The following PKIB variants were observed in gnomAD, a reference collection of about 807,000 sequenced individuals.
PKIB encodes PKI-beta.
In PKIB, 2 loss-of-function variants were observed where a neutral mutation model predicts 4.5. That is an observed-to-expected ratio of 0.44 (90% CI 0.18 to 1.39). PKIB has a LOEUF of 1.39. Ranked by LOEUF, PKIB falls within the 40% of genes most tolerant of loss-of-function variation. The pLI is 0.27. For missense variants in PKIB, 94 were observed against 92.6 expected (o/e 1.02, Z -0.06); for synonymous variants, 38 against 36.0 (o/e 1.06, Z -0.20).
rs929013388 is a variant in PKIB at position 122,639,749 on chromosome 6, G to A, written c.-76+6382G>A. Reference sequence around the variant, plus strand: ...CTAGATTTGAATGGATGGAATTAGAGGAGAAAACATTTTTGCTTAATCAAG... The same window carrying A: ...CTAGATTTGAATGGATGGAATTAGAAGAGAAAACATTTTTGCTTAATCAAG... On this transcript the variant is annotated intron_variant, in intron 2 of 4. Coordinates refer to ENST00000368452, the MANE Select transcript of PKIB (RefSeq NM_181795.3). 2.6e-5 allele frequency among the ~76,000 whole-genome samples: 4 copies of A among 152,142 alleles called. No homozygotes were observed. The South Asian group carries it at 6.2e-4, about 24-fold the overall frequency.
rs772255160 is a variant in PKIB at position 122,725,343 on chromosome 6, T to C, written c.*148T>C. ...ATATTAGATAATTGTGTTGTGATGC[T>C]ACTCACTTTGATTGCAATGATGATG... is the stretch of plus-strand genomic sequence containing the variant. On this transcript the variant is annotated 3_prime_UTR_variant, in exon 5 of 5. Transcript: ENST00000368452. 1 of 639,322 alleles carries C rather than the reference T, an allele frequency of 1.6e-6. No individual in the cohort carries two copies. Among genetic ancestry groups the C allele is most frequent in the Non-Finnish European group, 2.7e-6 (1 of 368,082 alleles). 39.6% of individuals were successfully genotyped at this position (639,322 alleles called of 1,614,324 possible). A position where few individuals can be genotyped will look rare whatever the true frequency, so the allele number is the denominator to read the frequency against.
chr6:122,664,098 C>T (rs1282866773), intron 2 of PKIB, among the ~76,000 whole-genome samples: 4 of 152,300 alleles, frequency 2.6e-5, no homozygotes, highest in South Asian at 4.1e-4. Context: ...GATATGACAA[C>T]AGTAATACTG....
At chr6:122,719,198 T>C (rs1779622676) in intron 4 of PKIB, among the ~76,000 whole-genome samples, 1 of 152,126 alleles carries the variant, frequency 6.6e-6, no homozygotes, top group Non-Finnish European at 1.5e-5. Flanking sequence ...AAAACCTTAA[T>C]GTTTACTGAC....
chr6:122,474,591 G>T (rs1319222096), intron 1 of PKIB, among the ~76,000 whole-genome samples: 1 of 152,194 alleles, frequency 6.6e-6, no homozygotes, highest in Non-Finnish European at 1.5e-5. Context: ...ATCAGAGCAT[G>T]AATGCTCTGT....
chr6:122,690,932 ATTTT>A (rs1210629019), intron 3 of PKIB, among the ~76,000 whole-genome samples: 1 of 138,782 alleles, frequency 7.2e-6, no homozygotes, highest in African/African-American at 2.7e-5. Flanking sequence ...ATATATATAT[ATTTT>A]TTTTTTTTTT....
At chr6:122,554,974 G>A (rs559134730) in intron 2 of PKIB, among the ~76,000 whole-genome samples, 18 of 152,314 alleles carry the variant, frequency 1.2e-4, no homozygotes, top group Admixed American at 1.1e-3. Context: ...ATACCGTGAA[G>A]GAGATGGGCA....
intron 2 of PKIB, among the ~76,000 whole-genome samples, chr6:122,654,671 A>G (rs1318879152): frequency 6.6e-6 from 1 of 152,216 alleles, no homozygotes; most frequent in Non-Finnish European, 1.5e-5. Context: ...CTCAACTTTC[A>G]AAAACAGAGG....
At chr6:122,679,162 G>T (rs1177696655) in intron 3 of PKIB, among the ~76,000 whole-genome samples, 1 of 152,224 alleles carries the variant, frequency 6.6e-6, no homozygotes, top group African/African-American at 2.4e-5. Flanking sequence ...CAAGTGAAGA[G>T]AAGCCTTGGA....
chr6:122,613,775 C>G (rs1232774890), intron 1 of PKIB, among the ~76,000 whole-genome samples: 3 of 151,746 alleles, frequency 2.0e-5, no homozygotes. Flanking sequence ...ACCATCCTAG[C>G]CAACATGGTG....
intron 2 of PKIB, among the ~76,000 whole-genome samples, chr6:122,532,685 G>A (rs9490472): frequency 0.013 from 1,974 of 152,226 alleles, 36 homozygotes; most frequent in African/African-American, 0.041. Context: ...ATGCTGTAGC[G>A]TGTGTTAATC....
intron 1 of PKIB, among the ~76,000 whole-genome samples, chr6:122,611,969 T>A (rs576215532): frequency 6.6e-6 from 1 of 152,312 alleles, no homozygotes; most frequent in East Asian, 1.9e-4. Flanking sequence ...AGGAAATCTT[T>A]TGGAAAACGT....
chr6:122,645,130 C>G (rs1776261535), intron 2 of PKIB, among the ~76,000 whole-genome samples: 1 of 152,118 alleles, frequency 6.6e-6, no homozygotes. Context: ...TATCACTTTT[C>G]TTTAGTACAG....
intron 2 of PKIB, among the ~76,000 whole-genome samples, chr6:122,655,316 A>C (rs1399448016): frequency 6.6e-6 from 1 of 152,232 alleles, no homozygotes; most frequent in Non-Finnish European, 1.5e-5. Flanking sequence ...TGAAATCATA[A>C]ATACCAAGGT....
intron 2 of PKIB, among the ~76,000 whole-genome samples, chr6:122,538,214 T>G (rs1174154533): frequency 6.6e-6 from 1 of 152,164 alleles, no homozygotes; most frequent in Non-Finnish European, 1.5e-5. Context: ...TGGCTTTTGT[T>G]GCCATTGCTT....
At position 122,512,393 on chromosome 6, in the gene PKIB, T is replaced by C. The variant is rs79503296; in HGVS notation, c.-248+34454T>C. 2.7e-3 allele frequency among the ~76,000 whole-genome samples: 413 copies of C among 152,294 alleles called. 1 individual carries two copies. Among genetic ancestry groups the C allele is most frequent in the African/African-American group, 9.6e-3 (398 of 41,560 alleles). ...ATATCAGATATTGGAAATTGGTGAC[T>C]ATACAGACCAAATCTGGTCTACAGA... On this transcript the variant is annotated intron_variant, in intron 2 of 6. Transcript: ENST00000392491.
At chr6:122,700,168 CTGT>C (rs151151718) in intron 3 of PKIB, among the ~76,000 whole-genome samples, 11 of 149,634 alleles carry the variant, frequency 7.4e-5, no homozygotes, top group South Asian at 2.1e-4. Flanking sequence ...TTTTAGGGTT[CTGT>C]TGTTGTTGTT....
intron 2 of PKIB, among the ~76,000 whole-genome samples, chr6:122,574,300 A>G (rs964267717): frequency 6.6e-6 from 1 of 152,204 alleles, no homozygotes; most frequent in Non-Finnish European, 1.5e-5. Flanking sequence ...CTGCTCATGG[A>G]TGGGAAGAAT....
intron 4 of PKIB, among the ~76,000 whole-genome samples, chr6:122,723,447 A>G (rs540696468): frequency 9.2e-5 from 14 of 152,252 alleles, no homozygotes; most frequent in African/African-American, 2.4e-4. Flanking sequence ...TGCCAAAAAT[A>G]TTGGAATCAT....
intron 2 of PKIB, among the ~76,000 whole-genome samples, chr6:122,497,482 G>A (rs1471895119): frequency 6.6e-6 from 1 of 152,128 alleles, no homozygotes; most frequent in Non-Finnish European, 1.5e-5. Context: ...AAGAGACTCA[G>A]CCCACATGTA....
Sources: allele counts gnomAD v4.1 joint callset (sites outside exome capture counted in the v4.1 genomes callset), GRCh38; gene constraint gnomAD v4.1.1; transcripts MANE v1.5; gene names NCBI Gene and HGNC (gene_info 2026-07-23, HGNC 2026-07-21).